The following GREB1L variants were observed in gnomAD, a reference collection of about 807,000 sequenced individuals.
GREB1L encodes GREB1 like retinoic acid receptor coactivator.
Under a neutral mutation model 200.8 loss-of-function variants are expected in GREB1L, and 17 were observed. That is an observed-to-expected ratio of 0.08 (90% CI 0.06 to 0.13). GREB1L has a LOEUF of 0.13. Among genes scored for constraint, GREB1L ranks in the 10% least tolerant of loss-of-function variants. The pLI is 1.00. For missense variants in GREB1L, 1,657 were observed against 2,367.7 expected (o/e 0.70, Z 6.23); for synonymous variants, 789 against 893.0 (o/e 0.88, Z 2.08).
chr18:21,251,458 G>A (rs1301949478), intron 1 of GREB1L, among the ~76,000 whole-genome samples: 1 of 152,082 alleles, frequency 6.6e-6, no homozygotes, highest in East Asian at 1.9e-4. Context: ...TATAGCATCT[G>A]TATTCCACAG....
intron 1 of GREB1L, among the ~76,000 whole-genome samples, chr18:21,351,828 A>G (rs2039437373): frequency 6.6e-6 from 1 of 151,504 alleles, no homozygotes; most frequent in Non-Finnish European, 1.5e-5. Context: ...TATGCAAGCT[A>G]TTTTATTTTA....
rs140650832 is a variant in GREB1L at position 21,392,813 on chromosome 18, C to T, written c.356-2572C>T. ...TTTAGACAGGGTCTTGTTCTGTCAC[C>T]CAGGCTGGAGTACAATGGCACAATC... On this transcript the variant is annotated intron_variant, in intron 4 of 32. Transcript: ENST00000424526. 2.4e-3 allele frequency among the ~76,000 whole-genome samples: 359 copies of T among 151,862 alleles called. 1 individual carries two copies. The highest frequency in any genetic ancestry group is 4.5e-3 in the Non-Finnish European group (308 of 67,948).
intron 23 of GREB1L, among the ~76,000 whole-genome samples, chr18:21,503,829 C>T (rs2036903025): frequency 6.6e-6 from 1 of 151,256 alleles, no homozygotes; most frequent in African/African-American, 2.4e-5. Flanking sequence ...CCACCCACCT[C>T]GGCCTCCTAA....
At chr18:21,249,189 A>T (rs2037658273) in intron 1 of GREB1L, among the ~76,000 whole-genome samples, 1 of 151,592 alleles carries the variant, frequency 6.6e-6, no homozygotes, top group South Asian at 2.1e-4. Context: ...GGGTTTGGGG[A>T]TCACTTTTTC....
At chr18:21,271,640 A>G (rs1010409661) in intron 1 of GREB1L, among the ~76,000 whole-genome samples, 1 of 137,306 alleles carries the variant, frequency 7.3e-6, no homozygotes, top group African/African-American at 2.9e-5. Context: ...TGACAGCAAG[A>G]CCCTGTCTCA....
intron 4 of GREB1L, among the ~76,000 whole-genome samples, chr18:21,388,533 CTTTTTT>C (rs768141691): frequency 1.3e-5 from 1 of 74,650 alleles, no homozygotes; most frequent in South Asian, 5.4e-4. Context: ...CCTTAGGTTC[CTTTTTT>C]TTTTTTTTTT....
intron 1 of GREB1L, among the ~76,000 whole-genome samples, chr18:21,258,743 AATG>A (rs1029643797): frequency 5.3e-5 from 8 of 152,182 alleles, no homozygotes; most frequent in African/African-American, 1.7e-4. Context: ...AATTACACAA[AATG>A]ATGATGTGTT....
At chr18:21,254,197 A>G (rs1375445272) in intron 1 of GREB1L, among the ~76,000 whole-genome samples, 1 of 150,174 alleles carries the variant, frequency 6.7e-6, no homozygotes, top group Non-Finnish European at 1.5e-5. Flanking sequence ...AGCCTCCCGA[A>G]TAGCTGGGAT....
chr18:21,418,723 C>A (rs1360264059), intron 7 of GREB1L, among the ~76,000 whole-genome samples: 3 of 152,050 alleles, frequency 2.0e-5, no homozygotes, highest in Non-Finnish European at 4.4e-5. Flanking sequence ...CAGGGTTTCA[C>A]CATGTTGGCC....
intron 6 of GREB1L, 124 bp downstream of exon 6, chr18:21,401,450 C>T: frequency 5.2e-6 from 4 of 772,736 alleles, no homozygotes; most frequent in Non-Finnish European, 5.9e-6. Context: ...AAGGATATCC[C>T]AAAATTTAAA....
chr18:21,286,547 G>C (rs1482393540), intron 1 of GREB1L, among the ~76,000 whole-genome samples: 1 of 152,238 alleles, frequency 6.6e-6, no homozygotes, highest in Admixed American at 6.5e-5. Context: ...GTCTGAGGCT[G>C]TGGAAGTAAA....
At chr18:21,317,771 CTCAG>C (rs1265182332) in intron 1 of GREB1L, 1 of 152,110 alleles carries the variant, frequency 6.6e-6, no homozygotes, top group East Asian at 1.9e-4. Context: ...TCTGGGTAAC[CTCAG>C]TCAAGTCCCC....
intron 7 of GREB1L, among the ~76,000 whole-genome samples, chr18:21,422,225 T>C (rs2032215149): frequency 6.6e-6 from 1 of 152,200 alleles, no homozygotes; most frequent in African/African-American, 2.4e-5. Flanking sequence ...CACAGCCCCA[T>C]GGTTCAAATT....
At chr18:21,502,493 A>C (rs2036839219) in intron 23 of GREB1L, among the ~76,000 whole-genome samples, 1 of 152,138 alleles carries the variant, frequency 6.6e-6, no homozygotes, top group Non-Finnish European at 1.5e-5. Flanking sequence ...CTGTTCCATG[A>C]CCAGCCCAAG....
chr18:21,485,069 A>G (rs760518885), intron 17 of GREB1L, among the ~76,000 whole-genome samples: 1 of 152,208 alleles, frequency 6.6e-6, no homozygotes, highest in Admixed American at 6.5e-5. Flanking sequence ...ATTCATTTTC[A>G]TAGTGATGAC....
At chr18:21,453,921 A>G (rs895115641) in intron 14 of GREB1L, among the ~76,000 whole-genome samples, 2 of 152,330 alleles carry the variant, frequency 1.3e-5, no homozygotes, top group East Asian at 3.9e-4. Context: ...GGAACTCAGC[A>G]TCATGATCAT....
intron 25 of GREB1L, among the ~76,000 whole-genome samples, chr18:21,507,133 C>T (rs572472999): frequency 1.3e-5 from 2 of 152,090 alleles, no homozygotes; most frequent in Non-Finnish European, 2.9e-5. Context: ...CATTTGTTTT[C>T]TTGGTGTCAC....
At chr18:21,353,195 G>A (rs7504527) in intron 1 of GREB1L, among the ~76,000 whole-genome samples, 25,164 of 150,058 alleles carry the variant, frequency 0.17, 4,799 homozygotes, top group African/African-American at 0.46. Context: ...AAAAAAAAAA[G>A]AAGAAAGAAA....
At chr18:21,463,388 G>A (rs552760828) in intron 15 of GREB1L, among the ~76,000 whole-genome samples, 86 of 151,652 alleles carry the variant, frequency 5.7e-4, no homozygotes, top group Non-Finnish European at 1.1e-3. Flanking sequence ...CTCATGATCC[G>A]CCCTCCTCGG....
Sources: allele counts gnomAD v4.1 joint callset (sites outside exome capture counted in the v4.1 genomes callset), GRCh38; gene constraint gnomAD v4.1.1; transcripts MANE v1.5; gene names NCBI Gene and HGNC (gene_info 2026-07-23, HGNC 2026-07-21).